The following MAGI2 variants were observed in gnomAD, a reference collection of about 807,000 sequenced individuals.
The protein encoded by MAGI2 is membrane-associated guanylate kinase, WW and PDZ domain-containing protein 2.
In MAGI2, 35 loss-of-function variants were observed where a neutral mutation model predicts 133.3. The ratio of observed to expected loss-of-function variants is 0.26; its 90% CI spans 0.20 to 0.35. The LOEUF (loss-of-function observed/expected upper bound fraction) is 0.35. Among genes scored for constraint, MAGI2 ranks in the 10% least tolerant of loss-of-function variants. The pLI is 1.00. For missense variants in MAGI2, 1,636 were observed against 1,863.4 expected (o/e 0.88, Z 2.25); for synonymous variants, 729 against 710.6 (o/e 1.03, Z -0.41).
chr7:79,037,593 A>T (rs558915972), intron 1 of MAGI2, among the ~76,000 whole-genome samples: 13 of 152,122 alleles, frequency 8.5e-5, no homozygotes, highest in South Asian at 2.1e-4. Context: ...TTGTTTTATT[A>T]AAAAAAATCA....
intron 20 of MAGI2, among the ~76,000 whole-genome samples, chr7:78,090,244 A>G (rs761117316): frequency 2.0e-5 from 3 of 152,122 alleles, no homozygotes; most frequent in Non-Finnish European, 2.9e-5. Context: ...TTACAGTCAC[A>G]CTGCCTGTTA....
chr7:79,207,178 C>A (rs1265870929), intron 1 of MAGI2, among the ~76,000 whole-genome samples: 1 of 151,874 alleles, frequency 6.6e-6, no homozygotes, highest in Non-Finnish European at 1.5e-5. Flanking sequence ...GATGCCTACT[C>A]TCACCACTTT....
intron 9 of MAGI2, among the ~76,000 whole-genome samples, chr7:78,296,053 C>T (rs1797201570): frequency 6.6e-6 from 1 of 152,154 alleles, no homozygotes. Context: ...ATAACGCTCC[C>T]TTTCTTTGGC....
At chr7:78,808,414 G>A (rs1421305928) in intron 2 of MAGI2, among the ~76,000 whole-genome samples, 1 of 151,944 alleles carries the variant, frequency 6.6e-6, no homozygotes, top group Non-Finnish European at 1.5e-5. Context: ...CCGCCACCAC[G>A]CCTGGCTAAT....
intron 16 of MAGI2, among the ~76,000 whole-genome samples, chr7:78,139,352 T>A (rs1473770328): frequency 6.6e-6 from 1 of 152,218 alleles, no homozygotes; most frequent in Non-Finnish European, 1.5e-5. Flanking sequence ...GTGCACTGAA[T>A]GTTGATGTAC....
chr7:79,243,047 C>A (rs1194849739), intron 1 of MAGI2, among the ~76,000 whole-genome samples: 4 of 152,064 alleles, frequency 2.6e-5, no homozygotes, highest in Non-Finnish European at 5.9e-5. Context: ...GAAACCCTAT[C>A]TCCACTAAAA....
chr7:78,030,800 C>A (rs1809491642), intron 21 of MAGI2, among the ~76,000 whole-genome samples: 1 of 152,148 alleles, frequency 6.6e-6, no homozygotes, highest in African/African-American at 2.4e-5. Flanking sequence ...GGTAGAACAG[C>A]CACTTTAGGA....
At chr7:78,608,013 G>A (rs1806011105) in intron 3 of MAGI2, among the ~76,000 whole-genome samples, 3 of 152,180 alleles carry the variant, frequency 2.0e-5, no homozygotes, top group Admixed American at 1.3e-4. Flanking sequence ...TATGGATCAT[G>A]AAACACACAG....
intron 3 of MAGI2, among the ~76,000 whole-genome samples, chr7:78,581,501 A>C (rs1233490119): frequency 6.6e-6 from 1 of 152,228 alleles, no homozygotes; most frequent in Non-Finnish European, 1.5e-5. Context: ...GGGTAGAGAC[A>C]AGAGCAATTC....
chr7:79,207,340 G>T (rs1386901694), intron 1 of MAGI2, among the ~76,000 whole-genome samples: 1 of 151,756 alleles, frequency 6.6e-6, no homozygotes, highest in South Asian at 2.1e-4. Flanking sequence ...CCTCCAAAAA[G>T]AATTAGAAAA....
chr7:79,411,019 T>C (rs1846103162), intron 1 of MAGI2: 1 of 152,118 alleles, frequency 6.6e-6, no homozygotes. Flanking sequence ...CTAGGCATCC[T>C]AGCCTGTAGC....
intron 21 of MAGI2, among the ~76,000 whole-genome samples, chr7:78,031,838 T>A (rs954751877): frequency 2.0e-5 from 3 of 152,148 alleles, no homozygotes; most frequent in Admixed American, 6.5e-5. Flanking sequence ...TCCAGCTAAA[T>A]CTATACCTTC....
intron 14 of MAGI2, among the ~76,000 whole-genome samples, chr7:78,176,590 T>A (rs1826636695): frequency 6.6e-6 from 1 of 152,212 alleles, no homozygotes; most frequent in South Asian, 2.1e-4. Context: ...CAATCTACTT[T>A]ACTCTGAGAC....
intron 2 of MAGI2, among the ~76,000 whole-genome samples, chr7:78,757,286 CCTCCCTCCTT>C (rs1233494622): frequency 3.4e-5 from 5 of 145,990 alleles, no homozygotes; most frequent in East Asian, 2.0e-4. Context: ...CTCCTCCCTC[CCTCCCTCCTT>C]CTCCCTCCTT....
intron 9 of MAGI2, among the ~76,000 whole-genome samples, chr7:78,283,590 T>C (rs771838900): frequency 4.6e-5 from 7 of 152,150 alleles, no homozygotes; most frequent in Non-Finnish European, 1.0e-4. Context: ...ATTTTAAATT[T>C]CGTGTTTCTC....
intron 1 of MAGI2, among the ~76,000 whole-genome samples, chr7:79,065,404 C>G (rs1814204388): frequency 6.6e-6 from 1 of 152,054 alleles, no homozygotes; most frequent in Non-Finnish European, 1.5e-5. Context: ...GTAGCTGACA[C>G]ATGGAAGGTA....
At chr7:78,480,933 GA>G (rs1424119241) in intron 6 of MAGI2, among the ~76,000 whole-genome samples, 1 of 151,872 alleles carries the variant, frequency 6.6e-6, no homozygotes, top group Non-Finnish European at 1.5e-5. Context: ...TAAATAATTG[GA>G]AGGGCTTATC....
chr7:79,169,948 C>T (rs1825352984), intron 1 of MAGI2, among the ~76,000 whole-genome samples: 2 of 151,764 alleles, frequency 1.3e-5, no homozygotes, highest in South Asian at 4.1e-4. Context: ...CTACTCTTTT[C>T]ACTGAATTAT....
At chr7:78,491,331 C>T (rs1268896968) in intron 5 of MAGI2, among the ~76,000 whole-genome samples, 1 of 152,032 alleles carries the variant, frequency 6.6e-6, no homozygotes, top group Non-Finnish European at 1.5e-5. Context: ...ATAATCCATC[C>T]CATCTGTCTA....
Sources: allele counts gnomAD v4.1 joint callset (sites outside exome capture counted in the v4.1 genomes callset), GRCh38; gene constraint gnomAD v4.1.1; transcripts MANE v1.5; gene names NCBI Gene and HGNC (gene_info 2026-07-23, HGNC 2026-07-21).